The following TRPM5 variants were observed in gnomAD, a reference collection of about 807,000 sequenced individuals.
TRPM5 encodes MLSN1 and TRP-related.
Under a neutral mutation model 124.9 loss-of-function variants are expected in TRPM5, and 121 were observed. The ratio of observed to expected loss-of-function variants is 0.97; its 90% CI spans 0.84 to 1.13. The LOEUF is 1.13. TRPM5 is among the 50% of genes most tolerant of loss of function. TRPM5 has a pLI of 0.00. For synonymous variants in TRPM5, 781 were observed against 700.5 expected (o/e 1.11, Z -1.81); for missense variants, 1,643 against 1,589.1 (o/e 1.03, Z -0.58).
At chr11:2,440,400 C>T in the TRPM5 span, among the ~76,000 whole-genome samples, 3 of 152,342 alleles carry the variant, frequency 2.0e-5, no homozygotes, top group African/African-American at 7.2e-5. This position sits in a 1 kb window ranked among gnomAD's most constrained non-coding sequence, Gnocchi z 5.2. Flanking sequence ...ATTCGCCAGG[C>T]ATAAGGATCC....
chr11:2,423,899 C>T (rs892855964), upstream of TRPM5, among the ~76,000 whole-genome samples: 1 of 152,336 alleles, frequency 6.6e-6, no homozygotes, highest in South Asian at 2.1e-4. Context: ...TGGCTGACCT[C>T]GGTCTGGCTT....
chr11:2,411,231 C>T (rs1410584085), intron 18 of TRPM5, 121 bp downstream of exon 23: 6 of 1,233,698 alleles, frequency 4.9e-6, no homozygotes, highest in Non-Finnish European at 6.5e-6. Flanking sequence ...TCTCCCATCT[C>T]TGCTCCAGGC....
chr11:2,444,373 C>T, the TRPM5 span, among the ~76,000 whole-genome samples: 1 of 151,702 alleles, frequency 6.6e-6, no homozygotes, highest in African/African-American at 2.4e-5. Flanking sequence ...CGGCACCCTA[C>T]CCCGCCCCTC....
At chr11:2,409,210 C>T (rs1850391035) in intron 18 of TRPM5, among the ~76,000 whole-genome samples, 1 of 152,150 alleles carries the variant, frequency 6.6e-6, no homozygotes, top group African/African-American at 2.4e-5. Context: ...ACGCTCCCAC[C>T]CTAGGCCTGC....
chr11:2,411,919 A>C, intron 16 of TRPM5, 152 bp from the exon 22 acceptor site: 1 of 1,073,380 alleles, frequency 9.3e-7, no homozygotes, highest in Non-Finnish European at 1.3e-6. Context: ...TTTATTTTTA[A>C]GAGACAGGGT....
the TRPM5 span, among the ~76,000 whole-genome samples, chr11:2,434,343 G>A: frequency 6.6e-6 from 1 of 151,304 alleles, no homozygotes; most frequent in Non-Finnish European, 1.5e-5. Flanking sequence ...TGCTGTGTGT[G>A]TGTGAATGTG....
rs771681423 is a variant in TRPM5, at chr11:2,422,308, G to A, written c.131C>T (p.Pro44Leu). The A allele has an allele frequency of 1.2e-5, 19 of 1,610,774 alleles. No homozygotes were observed. The highest frequency in any genetic ancestry group is 2.7e-5 in the African/African-American group (2 of 74,708). Residue 44 changes from proline (P) to leucine (L), a missense_variant, in exon 2 of 24, where the codon CCG (proline) becomes CTG (leucine). Coordinates refer to ENST00000155858, the Ensembl canonical transcript of TRPM5. The stretch of plus-strand genomic sequence containing the variant: ...GAGCACAGACGGGGCCACTCCGCTC[G>A]GCACCCGTACAAACTGCAAGGCAGG...
At chr11:2,426,444 C>A (rs567563963), upstream of TRPM5, among the ~76,000 whole-genome samples, 657 of 152,264 alleles carry the variant, frequency 4.3e-3, no homozygotes, top group Middle Eastern at 0.02. Flanking sequence ...CCCTGTGCAT[C>A]CCAGGGTGGG....
rs1845707978 is a variant in TRPM5 at position 2,417,838 on chromosome 11, C to A, written c.907-9G>T. ...GAGGTGATGTTCTGCAGCTGGGCAC[C>A]AGAACAGAGCCCCCATGGGGCCGCC... On this transcript the variant is annotated splice_polypyrimidine_tract_variant and intron_variant, in intron 6 of 23. Transcript: ENST00000155858. 5 of 1,567,242 alleles carry A rather than the reference C, an allele frequency of 3.2e-6. No individual in the cohort carries two copies. Among genetic ancestry groups the A allele is most frequent in the Non-Finnish European group, 4.3e-6 (5 of 1,155,414 alleles).
intron 18 of TRPM5, among the ~76,000 whole-genome samples, chr11:2,409,203 C>A (rs1850390873): frequency 6.6e-6 from 1 of 152,146 alleles, no homozygotes; most frequent in South Asian, 2.1e-4. Context: ...CCTCCCCACG[C>A]TCCCACCCTA....
At chr11:2,444,050 G>T in the TRPM5 span, among the ~76,000 whole-genome samples, 1 of 152,090 alleles carries the variant, frequency 6.6e-6, no homozygotes, top group African/African-American at 2.4e-5. Context: ...AGGCAGCCCC[G>T]CCTGCTATGC....
chr11:2,411,588 G>T, intron 17 of TRPM5, 47 bp downstream of exon 22: 4 of 1,610,408 alleles, frequency 2.5e-6, no homozygotes, highest in Non-Finnish European at 3.4e-6. Context: ...CCCAGGCAGG[G>T]GATTGCTGTC....
At chr11:2,414,758 C>T (rs767227981) in exon 11 of TRPM5, 140 of 1,548,492 alleles carry the variant, frequency 9.0e-5, no homozygotes, top group East Asian at 2.7e-4. Flanking sequence ...TGGCTCGGGC[C>T]GCCTCGGCCT....
exon 7 of TRPM5, chr11:2,417,827 C>T (rs746201720): frequency 4.5e-6 from 7 of 1,572,232 alleles, no homozygotes; most frequent in Admixed American, 1.8e-5. Context: ...TGATGTTCTG[C>T]AGCTGGGCAC....
At chr11:2,415,836 AG>A in intron 8 of TRPM5, 69 bp downstream of exon 13, 1 of 1,158,376 alleles carries the variant, frequency 8.6e-7, no homozygotes, top group Non-Finnish European at 1.3e-6. Context: ...CACAGGGTGC[AG>A]GAGCAGGCAG....
At chr11:2,414,155 A>G in exon 12 of TRPM5, 1 of 1,609,470 alleles carries the variant, frequency 6.2e-7, no homozygotes, top group Non-Finnish European at 8.5e-7. Flanking sequence ...CCGGCGCACC[A>G]GCAGGGCGAA....
rs148532424 is a variant in TRPM5, at chr11:2,406,676, C to A, written c.3236G>T (p.Arg1079Leu). Reference sequence around the variant, plus strand: ...GCCCCCGCACCTGTGGGCGGTTTTCCGCAGCACCTCCCCCTCGCTGTCCCT... The same window carrying A: ...GCCCCCGCACCTGTGGGCGGTTTTCAGCAGCACCTCCCCCTCGCTGTCCCT... Residue 1079 changes from arginine to leucine, a missense_variant, in exon 21 of 24, where the codon CGG becomes CTG. Transcript: ENST00000155858. The A allele has an allele frequency of 3.4e-4, 545 of 1,611,560 alleles. No individual in the cohort carries two copies. Among genetic ancestry groups the A allele is most frequent in the Non-Finnish European group, 4.3e-4 (507 of 1,178,854 alleles).
chr11:2,440,256 AC>A, the TRPM5 span, among the ~76,000 whole-genome samples: 1 of 152,164 alleles, frequency 6.6e-6, no homozygotes, highest in Non-Finnish European at 1.5e-5. The surrounding 1 kb of genome is among the most constrained non-coding windows in gnomAD (Gnocchi z 5.2). Context: ...GATCATCCAT[AC>A]CCCAAACCTC....
chr11:2,412,327 T>A, intron 15 of TRPM5, 74 bp from the exon 21 acceptor site: 2 of 895,246 alleles, frequency 2.2e-6, no homozygotes, highest in Non-Finnish European at 3.2e-6. Context: ...CTGGACAAGC[T>A]TGGATCTGTA....
Sources: gnomAD v4.1 joint callset for allele counts (sites outside exome capture counted in the v4.1 genomes callset) on GRCh38, gnomAD v4.1.1 for gene constraint, Gnocchi (gnomAD v3.1) non-coding constraint, MANE v1.5 for transcripts, NCBI Gene and HGNC (gene_info 2026-07-23, HGNC 2026-07-21) for gene names.